Variants in UBASH3B observed in about 807,000 individuals in gnomAD.
The protein encoded by UBASH3B is ubiquitin associated and SH3 domain containing B.
A neutral mutation model predicts 83.4 loss-of-function variants in UBASH3B; 37 were observed. The observed-to-expected ratio is 0.44, with a 90% CI of 0.34 to 0.58. UBASH3B has a LOEUF of 0.58. UBASH3B is among the 20% of genes least tolerant of loss of function. The pLI, the probability that UBASH3B is intolerant of heterozygous loss-of-function variation, is 0.01. For synonymous variants in UBASH3B, 304 were observed against 318.3 expected (o/e 0.96, Z 0.48); for missense variants, 657 against 827.2 (o/e 0.79, Z 2.52).
chr11:122,722,050 A>G (rs1860648047), intron 1 of UBASH3B, among the ~76,000 whole-genome samples: 1 of 152,222 alleles, frequency 6.6e-6, no homozygotes, highest in African/African-American at 2.4e-5. Flanking sequence ...AAGACATCAC[A>G]TGGTATTTGC....
intron 1 of UBASH3B, among the ~76,000 whole-genome samples, chr11:122,725,800 TCTCCTGCCTCAGC>T (rs1417323536): frequency 2.0e-5 from 3 of 152,226 alleles, no homozygotes; most frequent in Admixed American, 2.0e-4. Flanking sequence ...TTCAAGCGAT[TCTCCTGCCTCAGC>T]CTCCTGAGTA....
intron 13 of UBASH3B, among the ~76,000 whole-genome samples, chr11:122,808,413 G>C (rs530196566): frequency 2.0e-5 from 3 of 152,338 alleles, no homozygotes; most frequent in Admixed American, 2.0e-4. Context: ...CTAAAATGTA[G>C]GAAGCAGCTA....
intron 1 of UBASH3B, among the ~76,000 whole-genome samples, chr11:122,745,617 A>G (rs1354886087): frequency 6.6e-6 from 1 of 152,226 alleles, no homozygotes; most frequent in African/African-American, 2.4e-5. Flanking sequence ...CTTTACAAAG[A>G]TATTATTGAC....
intron 1 of UBASH3B, among the ~76,000 whole-genome samples, chr11:122,725,146 T>A (rs1339180232): frequency 2.7e-5 from 4 of 148,336 alleles, no homozygotes; most frequent in Non-Finnish European, 5.9e-5. Flanking sequence ...ATTTTTGTAA[T>A]TTTACTAGAG....
At position 122,789,224 on chromosome 11, in the gene UBASH3B, C is replaced by T. The variant is rs766138790; in HGVS notation, c.896C>T (p.Thr299Met). ...ACCAGCGAGGGTTGGATCTATGGCA[C>T]GTCCTTAACCACCGGCTGCTCTGGA... ...TSTSEGWIYG[T>M]SLTTGCSGLL... Residue 299 changes from threonine to methionine, a missense_variant, in exon 6 of 14, where the codon ACG (threonine) becomes ATG (methionine). Thr to Met is a moderately conservative substitution (Grantham distance 81, BLOSUM62 -1). This residue lies in a region of UBASH3B where 573 missense variants were observed against 739.0 expected (regional missense o/e 0.78). Transcript: ENST00000284273. 6.2e-6 allele frequency: 10 copies of T among 1,614,180 alleles called. No individual in the cohort carries two copies. In the East Asian group the frequency reaches 1.1e-4, roughly 18 times the overall value.
At chr11:122,769,396 A>T (rs1334295260) in intron 1 of UBASH3B, among the ~76,000 whole-genome samples, 1 of 152,162 alleles carries the variant, frequency 6.6e-6, no homozygotes, top group Non-Finnish European at 1.5e-5. Context: ...TCAACATGAG[A>T]CTTGGTGGGG....
chr11:122,682,276 A>G (rs1028304639), intron 1 of UBASH3B, among the ~76,000 whole-genome samples: 1 of 152,322 alleles, frequency 6.6e-6, no homozygotes, highest in Middle Eastern at 3.4e-3. Context: ...AACAGACACA[A>G]GTCTGACCCA....
intron 1 of UBASH3B, among the ~76,000 whole-genome samples, chr11:122,773,753 C>T (rs900381723): frequency 1.3e-5 from 2 of 152,126 alleles, no homozygotes; most frequent in African/African-American, 4.8e-5. Context: ...CTTTCCAAAA[C>T]TTGTCTTTTG....
chr11:122,766,738 G>A (rs987179167), intron 1 of UBASH3B, among the ~76,000 whole-genome samples: 1 of 152,128 alleles, frequency 6.6e-6, no homozygotes, highest in Admixed American at 6.5e-5. Flanking sequence ...GCAAGACTCC[G>A]TCTCAAAAAT....
At chr11:122,735,177 C>T (rs1030972740) in intron 1 of UBASH3B, among the ~76,000 whole-genome samples, 1 of 152,164 alleles carries the variant, frequency 6.6e-6, no homozygotes, top group Non-Finnish European at 1.5e-5. Flanking sequence ...TTAGAACAAT[C>T]ACATGGATAA....
intron 1 of UBASH3B, among the ~76,000 whole-genome samples, chr11:122,671,679 G>T (rs1341627411): frequency 1.3e-5 from 2 of 152,208 alleles, no homozygotes; most frequent in Non-Finnish European, 2.9e-5. Context: ...GCCTGTGGCT[G>T]CCAGCCTTAC....
At chr11:122,776,358 T>C in intron 2 of UBASH3B, 86 bp downstream of exon 2, 1 of 1,256,202 alleles carries the variant, frequency 8.0e-7, no homozygotes, top group Admixed American at 2.4e-5. Context: ...AGACTTTCTC[T>C]AATGGACCCT....
At position 122,759,483 on chromosome 11, in the gene UBASH3B, A is replaced by G. The variant is rs914743683; in HGVS notation, c.162-16736A>G. Among the ~76,000 whole-genome samples the G allele has an allele frequency of 6.6e-6, 1 of 152,214 alleles. No homozygotes were observed. The highest frequency in any genetic ancestry group is 1.5e-5 in the Non-Finnish European group (1 of 68,036). On this transcript the variant is annotated intron_variant, in intron 1 of 13. Transcript: ENST00000284273. The surrounding 1 kb of genome is among the most constrained non-coding windows in gnomAD (Gnocchi z 4.1). ...TCCTATTATTATTACATTGTAATAT[A>G]TAATGAAATAGTGATACAACCAACT...
At chr11:122,800,619 C>G (rs980278144) in intron 10 of UBASH3B, among the ~76,000 whole-genome samples, 10 of 151,572 alleles carry the variant, frequency 6.6e-5, no homozygotes, top group African/African-American at 2.2e-4. Flanking sequence ...AATAAATTTT[C>G]TTTTTTTGAG....
chr11:122,690,183 TA>T (rs1591770595), intron 1 of UBASH3B, among the ~76,000 whole-genome samples: 11 of 30,102 alleles, frequency 3.7e-4, no homozygotes, highest in Non-Finnish European at 6.4e-4. Flanking sequence ...TATATATATA[TA>T]TATATATATA....
Position 122,659,498 on chromosome 11 carries a change from C to A in UBASH3B, c.161+3288C>A, listed in dbSNP as rs1467051482. 2.0e-5 allele frequency among the ~76,000 whole-genome samples: 3 copies of A among 152,252 alleles called. No homozygotes were observed. In the South Asian group the frequency reaches 6.2e-4, roughly 32 times the overall value. On this transcript the variant is annotated intron_variant, in intron 1 of 13. Transcript: ENST00000284273. ...CAGAAAGGCTGATGTGGTCGGCCTT[C>A]CCCCCAGTAACTTAGACCAGTATGA...
chr11:122,693,303 G>A (rs1437677637), intron 1 of UBASH3B, among the ~76,000 whole-genome samples: 4 of 152,130 alleles, frequency 2.6e-5, no homozygotes, highest in Admixed American at 6.5e-5. Flanking sequence ...GGATGTATAC[G>A]TGCAGGTCAC....
chr11:122,773,000 T>G (rs761508316), intron 1 of UBASH3B, among the ~76,000 whole-genome samples: 18 of 152,236 alleles, frequency 1.2e-4, no homozygotes, highest in Admixed American at 2.0e-4. Flanking sequence ...AATCACTGAT[T>G]GCTGTAATTT....
chr11:122,714,699 G>A (rs968811568), intron 1 of UBASH3B, among the ~76,000 whole-genome samples: 3 of 152,294 alleles, frequency 2.0e-5, no homozygotes, highest in Middle Eastern at 3.4e-3. Context: ...AGCCTGAAAT[G>A]TGCTTCCTCT....
Sources: gnomAD v4.1 joint callset for allele counts (sites outside exome capture counted in the v4.1 genomes callset) on GRCh38, gnomAD v4.1.1 for gene constraint, gnomAD v4.1.1 regional missense constraint, Gnocchi (gnomAD v3.1) non-coding constraint, MANE v1.5 for transcripts, NCBI Gene and HGNC (gene_info 2026-07-23, HGNC 2026-07-21) for gene names.